The following SLC7A5 variants were observed in gnomAD, a reference collection of about 807,000 sequenced individuals.
SLC7A5 encodes the protein solute carrier family 7 member 5.
In SLC7A5, 23 loss-of-function variants were observed where a neutral mutation model predicts 50.2. That is an observed-to-expected ratio of 0.46 (90% CI 0.33 to 0.65). The LOEUF is 0.65. Among genes scored for constraint, SLC7A5 ranks in the 30% least tolerant of loss-of-function variants. The probability of loss-of-function intolerance (pLI) is 0.02; values close to 1 mark genes in which losing one functional copy is unlikely to be tolerated. For synonymous variants in SLC7A5, 393 were observed against 330.6 expected (o/e 1.19, Z -2.05); for missense variants, 578 against 684.4 (o/e 0.84, Z 1.73).
chr16:87,838,658 A>T, intron 6 of SLC7A5, 56 bp downstream of exon 6: 1 of 1,284,784 alleles, frequency 7.8e-7, no homozygotes, highest in South Asian at 1.2e-5. Context: ...GAACATGTTG[A>T]ACCTGGCCAT....
At position 87,852,736 on chromosome 16, in the gene SLC7A5, TGC is replaced by T. The variant is rs200158204; in HGVS notation, c.539-889_539-888del. ...GGCACGCTGAGCCACTGTGTGTGTGTGCGTGTGTGTGTGTGTTTTGGGGGGTT... is the reference window on the plus strand; with the variant it reads ...GGCACGCTGAGCCACTGTGTGTGTGTGTGTGTGTGTGTGTTTTGGGGGGTT... On this transcript the variant is annotated intron_variant, in intron 1 of 9. Transcript: ENST00000261622. This position sits in a 1 kb window ranked among gnomAD's most constrained non-coding sequence, Gnocchi z 4.5. Among the ~76,000 whole-genome samples the T allele has an allele frequency of 2.3e-3, 345 of 151,138 alleles. 1 individual carries two copies. Among genetic ancestry groups the T allele is most frequent in the African/African-American group, 8.3e-3 (340 of 40,938 alleles).
intron 1 of SLC7A5, among the ~76,000 whole-genome samples, chr16:87,864,246 C>T (rs1188947483): frequency 6.6e-6 from 1 of 151,428 alleles, no homozygotes; most frequent in Non-Finnish European, 1.5e-5. Context: ...GAGCCGAGAT[C>T]GTGCCATTGC....
intron 1 of SLC7A5, among the ~76,000 whole-genome samples, chr16:87,864,011 G>A (rs536820956): frequency 1.9e-4 from 2 of 10,404 alleles, no homozygotes; most frequent in Non-Finnish European, 7.8e-4. Flanking sequence ...ATATATATCA[G>A]CCGAGTAGGC....
chr16:87,864,868 T>C (rs753582091), intron 1 of SLC7A5, among the ~76,000 whole-genome samples: 3 of 152,230 alleles, frequency 2.0e-5, no homozygotes, highest in Non-Finnish European at 2.9e-5. Flanking sequence ...ATTATGCGAG[T>C]AAACAAGCTA....
At chr16:87,864,950 C>G (rs556544115) in intron 1 of SLC7A5, among the ~76,000 whole-genome samples, 8 of 152,248 alleles carry the variant, frequency 5.3e-5, no homozygotes, top group Non-Finnish European at 1.2e-4. Flanking sequence ...GGGATCAGGC[C>G]GCCTTCAGCC....
At chr16:87,845,481 ACAGAG>A (rs2055141007) in intron 2 of SLC7A5, among the ~76,000 whole-genome samples, 1 of 65,202 alleles carries the variant, frequency 1.5e-5, no homozygotes, top group African/African-American at 1.2e-4. Context: ...CGCCCACCCC[ACAGAG>A]TCCACGCCCA....
At chr16:87,846,341 C>T (rs971563800) in intron 2 of SLC7A5, among the ~76,000 whole-genome samples, 2 of 152,254 alleles carry the variant, frequency 1.3e-5, no homozygotes, top group African/African-American at 4.8e-5. Flanking sequence ...GAGCTGTGGC[C>T]GACTCCTCCC....
At chr16:87,842,430 G>A (rs554277018) in intron 2 of SLC7A5, among the ~76,000 whole-genome samples, 26 of 152,342 alleles carry the variant, frequency 1.7e-4, no homozygotes, top group Non-Finnish European at 3.4e-4. Context: ...AAGGGGACCC[G>A]TGAAGGGAGG....
rs1597517546 is a variant in SLC7A5 at position 87,861,891 on chromosome 16, C to T, written c.538+6994G>A. ...GCAGCGTGACCTGCCTAGGTGCCGG[C>T]GGCACTTTCATGTGCGGCTGGGAAA... On this transcript the variant is annotated intron_variant, in intron 1 of 9. Coordinates refer to ENST00000261622, the MANE Select transcript of SLC7A5 (RefSeq NM_003486.7). The surrounding 1 kb of genome is among the most constrained non-coding windows in gnomAD (Gnocchi z 4.2). Among the ~76,000 whole-genome samples, 1 of 152,226 alleles carries T rather than the reference C, an allele frequency of 6.6e-6. No individual in the cohort carries two copies. The highest frequency in any genetic ancestry group is 1.5e-5 in the Non-Finnish European group (1 of 68,044).
chr16:87,848,298 A>G (rs1376536424), intron 2 of SLC7A5, among the ~76,000 whole-genome samples: 2 of 152,256 alleles, frequency 1.3e-5, no homozygotes, highest in African/African-American at 4.8e-5. Context: ...CAGCCCAAGC[A>G]AAGCACAAAG....
rs736174 is a variant in SLC7A5, at chr16:87,861,444, T to C, written c.538+7441A>G. On this transcript the variant is annotated intron_variant, in intron 1 of 9. Coordinates refer to ENST00000261622, the MANE Select transcript of SLC7A5 (RefSeq NM_003486.7). The surrounding 1 kb of genome is among the most constrained non-coding windows in gnomAD (Gnocchi z 4.2). ...GTGCTCCCCTATGCCTGATGACAAATGGTGGCCTCAGTGTAGAGGTGGGCA... is the reference window on the plus strand; with the variant it reads ...GTGCTCCCCTATGCCTGATGACAAACGGTGGCCTCAGTGTAGAGGTGGGCA... Among the ~76,000 whole-genome samples the C allele has an allele frequency of 6.6e-6, 1 of 152,142 alleles. No homozygotes were observed. Among genetic ancestry groups the C allele is most frequent in the Non-Finnish European group, 1.5e-5 (1 of 68,014 alleles).
intron 1 of SLC7A5, among the ~76,000 whole-genome samples, chr16:87,856,535 G>T (rs1332917017): frequency 1.3e-5 from 2 of 152,230 alleles, no homozygotes; most frequent in Non-Finnish European, 2.9e-5. Flanking sequence ...GTCCCGCCCA[G>T]TGCAGCCTGT....
chr16:87,830,165 G>A lies in SLC7A5; in HGVS notation c.*2805C>T, dbSNP rs1177574900. The stretch of plus-strand genomic sequence containing the variant: ...CACACACGTCATTACTCGGCAGAGG[G>A]TGTCCAGCCTGGTCGGCCGACGTCA... On this transcript the variant is annotated 3_prime_UTR_variant, in exon 10 of 10. Coordinates refer to ENST00000261622, the MANE Select transcript of SLC7A5 (RefSeq NM_003486.7). 1 of 152,330 alleles carries A rather than the reference G, an allele frequency of 6.6e-6. No individual in the cohort carries two copies. The highest frequency in any genetic ancestry group is 1.5e-5 in the Non-Finnish European group (1 of 68,038). 9.4% of individuals were successfully genotyped at this position (152,330 alleles called of 1,614,324 possible). A position where few individuals can be genotyped will look rare whatever the true frequency, so the allele number is the denominator to read the frequency against.
In SLC7A5 at chr16:87,862,545, C is replaced by G. The variant is rs1357171431; in HGVS notation, c.538+6340G>C. 1.3e-5 allele frequency among the ~76,000 whole-genome samples: 2 copies of G among 152,264 alleles called. No homozygotes were observed. Among genetic ancestry groups the G allele is most frequent in the African/African-American group, 4.8e-5 (2 of 41,468 alleles). On this transcript the variant is annotated intron_variant, in intron 1 of 9. Transcript: ENST00000261622. The surrounding 1 kb of genome is among the most constrained non-coding windows in gnomAD (Gnocchi z 5.3). ...GACTAAAGGAAACCCTGGCTCCTGTCTCTGGCTCTTCCCTCCCTCTCTTTG... is the reference window on the plus strand; with the variant it reads ...GACTAAAGGAAACCCTGGCTCCTGTGTCTGGCTCTTCCCTCCCTCTCTTTG...
rs1209299779 is a variant in SLC7A5 at position 87,837,958 on chromosome 16, G to A, written c.1044-17C>T. Reference sequence around the variant, plus strand: ...AAGAAGAGCCTGTGGACAGACAAGAGTGGCAGAGTCAGCCACCGCCCCACA... The same window carrying A: ...AAGAAGAGCCTGTGGACAGACAAGAATGGCAGAGTCAGCCACCGCCCCACA... On this transcript the variant is annotated splice_polypyrimidine_tract_variant and intron_variant, in intron 6 of 9. Transcript: ENST00000261622. 1 of 1,584,578 alleles carries A rather than the reference G, an allele frequency of 6.3e-7. No homozygotes were observed. Among genetic ancestry groups the A allele is most frequent in the Non-Finnish European group, 8.6e-7 (1 of 1,163,294 alleles).
In SLC7A5 at chr16:87,840,429, C is replaced by T. The variant is rs757195927; in HGVS notation, c.815G>A (p.Arg272Lys). 2 of 1,611,574 alleles carry T rather than the reference C, an allele frequency of 1.2e-6. No homozygotes were observed. Among genetic ancestry groups the T allele is most frequent in the East Asian group, 2.2e-5 (1 of 44,870 alleles). ...FVTEEMINPY[R>K]NLPLAIIISL... ...CGGCTCCATCCATTCTTGCACGTAC[C>T]TGTAGGGGTTGATCATTTCCTCTGT... Residue 272 changes from arginine to lysine, a missense_variant and splice_region_variant, in exon 4 of 10, where the codon AGA becomes AAA. Transcript: ENST00000261622.
intron 8 of SLC7A5, among the ~76,000 whole-genome samples, chr16:87,835,072 C>T (rs921466580): frequency 1.3e-4 from 20 of 152,352 alleles, no homozygotes; most frequent in African/African-American, 3.8e-4. Flanking sequence ...GAGCTCCACC[C>T]GGCACAGAAG....
At chr16:87,835,579 T>C (rs767503719) in intron 8 of SLC7A5, among the ~76,000 whole-genome samples, 2 of 152,226 alleles carry the variant, frequency 1.3e-5, no homozygotes, top group Non-Finnish European at 2.9e-5. Context: ...GTTCATGCCA[T>C]TCTCCTGCCT....
intron 1 of SLC7A5, among the ~76,000 whole-genome samples, chr16:87,866,392 G>T (rs760137765): frequency 6.6e-6 from 1 of 152,202 alleles, no homozygotes; most frequent in Non-Finnish European, 1.5e-5. Flanking sequence ...GTGGCACCAT[G>T]CTTGGTTCAA....
Sources: gnomAD v4.1 joint callset for allele counts (sites outside exome capture counted in the v4.1 genomes callset) on GRCh38, gnomAD v4.1.1 for gene constraint, Gnocchi (gnomAD v3.1) non-coding constraint, MANE v1.5 for transcripts, NCBI Gene and HGNC (gene_info 2026-07-23, HGNC 2026-07-21) for gene names.